BBS9: variants seen among roughly 807,000 people sequenced by gnomAD.
BBS9 encodes the protein protein PTHB1.
A neutral mutation model predicts 117.7 loss-of-function variants in BBS9; 89 were observed. The observed-to-expected ratio is 0.76, with a 90% CI of 0.64 to 0.90. The LOEUF (loss-of-function observed/expected upper bound fraction) is 0.90, where lower values mean the gene tolerates loss of function less well. Among genes scored for constraint, BBS9 ranks in the 40% least tolerant of loss-of-function variants. BBS9 has a pLI of 0.00. For missense variants in BBS9, 982 were observed against 1,042.2 expected (o/e 0.94, Z 0.80); for synonymous variants, 379 against 370.9 (o/e 1.02, Z -0.25).
chr7:33,274,718 G>A lies in BBS9; in HGVS notation c.1016+762G>A, dbSNP rs549647762. On this transcript the variant is annotated intron_variant, in intron 9 of 22. Coordinates refer to ENST00000242067, the MANE Select transcript of BBS9 (RefSeq NM_198428.3). Reference sequence around the variant, plus strand: ...AGCATTTAAAGGCCATACGGGGCGGGGCACAGTGGCTCACGCCTGTAATCC... The same window carrying A: ...AGCATTTAAAGGCCATACGGGGCGGAGCACAGTGGCTCACGCCTGTAATCC... Among the ~76,000 whole-genome samples, 5 of 152,220 alleles carry A rather than the reference G, an allele frequency of 3.3e-5. No individual in the cohort carries two copies. The East Asian group carries it at 7.7e-4, about 24-fold the overall frequency.
At chr7:33,364,842 C>T (rs1170054118) in intron 16 of BBS9, among the ~76,000 whole-genome samples, 4 of 151,144 alleles carry the variant, frequency 2.6e-5, no homozygotes, top group Admixed American at 1.3e-4. Context: ...AATCCTCCGA[C>T]CTCAGCCTCC....
chr7:33,559,374 A>G (rs188021714), intron 21 of BBS9, among the ~76,000 whole-genome samples: 139 of 152,306 alleles, frequency 9.1e-4, no homozygotes, highest in African/African-American at 3.0e-3. Context: ...CTGCTCTTTA[A>G]GAATGGAGTT....
Position 33,265,904 on chromosome 7 carries a change from A to G in BBS9, c.702+1530A>G, listed in dbSNP as rs1285272562. Among the ~76,000 whole-genome samples, 4 of 151,878 alleles carry G rather than the reference A, an allele frequency of 2.6e-5. No homozygotes were observed. In the East Asian group the frequency reaches 7.7e-4, roughly 29 times the overall value. On this transcript the variant is annotated intron_variant, in intron 7 of 22. Transcript: ENST00000242067. ...TTATATATAAATATATGTATTGTAT[A>G]TAATAAATATATAAAGCACATAGCA...
At chr7:33,180,808 G>A (rs750886361) in intron 5 of BBS9, among the ~76,000 whole-genome samples, 5 of 152,094 alleles carry the variant, frequency 3.3e-5, no homozygotes, top group African/African-American at 4.8e-5. Flanking sequence ...GCCTTGTTGC[G>A]GTAGCCTCAG....
At chr7:33,553,173 C>G (rs769827253) in intron 21 of BBS9, among the ~76,000 whole-genome samples, 2 of 152,142 alleles carry the variant, frequency 1.3e-5, no homozygotes, top group Non-Finnish European at 2.9e-5. Context: ...TTCTGTGACC[C>G]CTATTATTCT....
chr7:33,375,642 G>A (rs1319937309), intron 17 of BBS9, among the ~76,000 whole-genome samples: 1 of 145,940 alleles, frequency 6.9e-6, no homozygotes, highest in African/African-American at 2.5e-5. Context: ...CACCCAGGCT[G>A]GAGTGCAGTC....
intron 4 of BBS9, among the ~76,000 whole-genome samples, chr7:33,164,994 T>C (rs1795439641): frequency 6.6e-6 from 1 of 152,194 alleles, no homozygotes; most frequent in South Asian, 2.1e-4. Flanking sequence ...GTTTAGTGCT[T>C]CCTTGAGGAG....
chr7:33,527,149 A>C (rs550680294), intron 20 of BBS9, among the ~76,000 whole-genome samples: 46 of 152,028 alleles, frequency 3.0e-4, no homozygotes, highest in Admixed American at 9.2e-4. Context: ...TGCTCTCTTC[A>C]AAGCTGTCAG....
chr7:33,248,974 T>C (rs576099049), intron 5 of BBS9, among the ~76,000 whole-genome samples: 1 of 152,286 alleles, frequency 6.6e-6, no homozygotes, highest in African/African-American at 2.4e-5. Context: ...TCACTTGTAT[T>C]TTTACTCAAT....
intron 10 of BBS9, among the ~76,000 whole-genome samples, chr7:33,340,531 T>C (rs1488224895): frequency 6.6e-6 from 1 of 151,908 alleles, no homozygotes; most frequent in African/African-American, 2.4e-5. Flanking sequence ...TTCTTGGGAG[T>C]AGAATTAAGT....
rs578019341 is a variant in BBS9, at chr7:33,579,784, G to A, written c.2522-25081G>A. ...TCCACCTCCTCACTCTAAGTCTAAG[G>A]CAAATGTTTGTTTAAAAATTTAAAA... On this transcript the variant is annotated intron_variant, in intron 21 of 22. Coordinates refer to ENST00000242067, the MANE Select transcript of BBS9 (RefSeq NM_198428.3). Among the ~76,000 whole-genome samples, 3 of 152,194 alleles carry A rather than the reference G, an allele frequency of 2.0e-5. No homozygotes were observed. The East Asian group carries it at 5.8e-4, about 29-fold the overall frequency.
chr7:33,439,499 A>ATCCACTTTT (rs1220748361), intron 19 of BBS9, among the ~76,000 whole-genome samples: 1 of 147,410 alleles, frequency 6.8e-6, no homozygotes, highest in Non-Finnish European at 1.5e-5. Context: ...CTGCGCCCAC[A>ATCCACTTTT]TCCACTTTTT....
intron 19 of BBS9, among the ~76,000 whole-genome samples, chr7:33,499,686 T>C (rs564686747): frequency 6.6e-6 from 1 of 152,336 alleles, no homozygotes; most frequent in South Asian, 2.1e-4. Context: ...ATTGCTTGTA[T>C]ATGAATTCTG....
chr7:33,450,108 G>A (rs1163657706), intron 19 of BBS9, among the ~76,000 whole-genome samples: 1 of 152,158 alleles, frequency 6.6e-6, no homozygotes, highest in African/African-American at 2.4e-5. Context: ...TACCTCATAA[G>A]TAGAATCGTG....
intron 19 of BBS9, among the ~76,000 whole-genome samples, chr7:33,400,232 T>TA (rs34032951): frequency 6.6e-6 from 1 of 151,162 alleles, no homozygotes; most frequent in East Asian, 1.9e-4. Context: ...GTTTGATCTT[T>TA]AAAAAAAAAA....
intron 5 of BBS9, among the ~76,000 whole-genome samples, chr7:33,230,774 T>C (rs1223312757): frequency 6.6e-6 from 1 of 152,250 alleles, no homozygotes; most frequent in African/African-American, 2.4e-5. Flanking sequence ...GACTGAGTAG[T>C]ATTCTATGAT....
intron 16 of BBS9, among the ~76,000 whole-genome samples, chr7:33,366,652 C>T (rs1449597137): frequency 2.2e-5 from 3 of 139,532 alleles, no homozygotes; most frequent in African/African-American, 8.0e-5. Context: ...TCAAGCGATT[C>T]TCCTGCCTCA....
intron 17 of BBS9, among the ~76,000 whole-genome samples, chr7:33,376,246 A>G (rs969842208): frequency 1.3e-5 from 2 of 151,812 alleles, no homozygotes; most frequent in African/African-American, 4.8e-5. Flanking sequence ...ATGTGTTCTC[A>G]TTATTTAGCT....
In BBS9 at chr7:33,419,061, C is replaced by G. The variant is rs528962916; in HGVS notation, c.2115+30917C>G. Among the ~76,000 whole-genome samples, 6 of 152,218 alleles carry G rather than the reference C, an allele frequency of 3.9e-5. 1 individual carries two copies. The South Asian group carries it at 1.2e-3, about 32-fold the overall frequency. Reference sequence around the variant, plus strand: ...TTAAAAAGTTAATTTGTTCTGCATTCCATTAAAATTGCTTTTTTTTTTCAT... The same window carrying G: ...TTAAAAAGTTAATTTGTTCTGCATTGCATTAAAATTGCTTTTTTTTTTCAT... On this transcript the variant is annotated intron_variant, in intron 19 of 22. Transcript: ENST00000242067.
Sources: gnomAD v4.1 joint callset for allele counts (sites outside exome capture counted in the v4.1 genomes callset) on GRCh38, gnomAD v4.1.1 for gene constraint, MANE v1.5 for transcripts, NCBI Gene and HGNC (gene_info 2026-07-23, HGNC 2026-07-21) for gene names.